The following SLC24A2 variants were observed in gnomAD, a reference collection of about 807,000 sequenced individuals.
SLC24A2 encodes sodium/potassium/calcium exchanger 2.
In SLC24A2, 36 loss-of-function variants were observed where a neutral mutation model predicts 62.0. That is an observed-to-expected ratio of 0.58 (90% CI 0.44 to 0.77). The LOEUF (loss-of-function observed/expected upper bound fraction) is 0.77. Ranked by LOEUF, SLC24A2 falls within the 30% of genes least tolerant of loss-of-function variation. The pLI, the probability that SLC24A2 is intolerant of heterozygous loss-of-function variation, is 0.00. For missense variants in SLC24A2, 846 were observed against 817.9 expected (o/e 1.03, Z -0.42); for synonymous variants, 358 against 294.0 (o/e 1.22, Z -2.23).
chr9:19,545,633 T>G (rs962874039), intron 8 of SLC24A2, among the ~76,000 whole-genome samples: 27 of 151,938 alleles, frequency 1.8e-4, no homozygotes, highest in African/African-American at 6.3e-4. Context: ...TTCCTATTTT[T>G]TAGTTTTTTT....
At chr9:20,215,916 C>G in the SLC24A2 span, among the ~76,000 whole-genome samples, 1 of 152,158 alleles carries the variant, frequency 6.6e-6, no homozygotes, top group Admixed American at 6.5e-5. Flanking sequence ...AGTTCCCAAT[C>G]CTGAGGTCTT....
the SLC24A2 span, among the ~76,000 whole-genome samples, chr9:19,908,911 G>C: frequency 6.6e-6 from 1 of 151,782 alleles, no homozygotes; most frequent in African/African-American, 2.4e-5. Flanking sequence ...AACTATTGTG[G>C]AAGTCAGTGT....
At chr9:19,828,148 A>G in the SLC24A2 span, among the ~76,000 whole-genome samples, 1 of 152,204 alleles carries the variant, frequency 6.6e-6, no homozygotes, top group Non-Finnish European at 1.5e-5. Flanking sequence ...ATTTATCCTT[A>G]ACAAAACTAA....
chr9:19,935,321 A>C, the SLC24A2 span, among the ~76,000 whole-genome samples: 9 of 152,150 alleles, frequency 5.9e-5, no homozygotes, highest in African/African-American at 2.2e-4. Flanking sequence ...ACTAAAGTTT[A>C]AGAGCCTCTG....
intron 8 of SLC24A2, among the ~76,000 whole-genome samples, chr9:19,535,192 C>G (rs1054323816): frequency 6.6e-6 from 1 of 152,050 alleles, no homozygotes; most frequent in Non-Finnish European, 1.5e-5. Context: ...CCTTTGCCCA[C>G]TTTTTGATGG....
chr9:19,594,919 G>T (rs967088329), intron 5 of SLC24A2, among the ~76,000 whole-genome samples: 1 of 152,178 alleles, frequency 6.6e-6, no homozygotes, highest in Non-Finnish European at 1.5e-5. Flanking sequence ...AGCCAGACTT[G>T]GCTTGTCATG....
At chr9:19,583,370 A>T (rs1267212577) in intron 5 of SLC24A2, among the ~76,000 whole-genome samples, 3 of 152,144 alleles carry the variant, frequency 2.0e-5, no homozygotes, top group Non-Finnish European at 4.4e-5. Context: ...TCTCTCCAGC[A>T]TTTCTTATCC....
chr9:19,572,425 A>T (rs1835864484), intron 7 of SLC24A2, among the ~76,000 whole-genome samples: 1 of 152,040 alleles, frequency 6.6e-6, no homozygotes, highest in Admixed American at 6.6e-5. Flanking sequence ...GTGGGAGGTG[A>T]TTGAATCTGG....
the SLC24A2 span, among the ~76,000 whole-genome samples, chr9:19,912,790 T>C: frequency 2.0e-5 from 3 of 152,134 alleles, no homozygotes; most frequent in African/African-American, 7.2e-5. Context: ...AATTGATAAT[T>C]TTTCCTTTTG....
At chr9:19,922,064 G>A in the SLC24A2 span, among the ~76,000 whole-genome samples, 9 of 152,092 alleles carry the variant, frequency 5.9e-5, no homozygotes, top group African/African-American at 2.2e-4. Flanking sequence ...TTGCATGTAC[G>A]TCCTTCTCCA....
chr9:19,788,557 T>G (rs539431236), intron 1 of SLC24A2: 12 of 985,328 alleles, frequency 1.2e-5, no homozygotes, highest in Middle Eastern at 5.2e-4. Context: ...TGGGTTGCAT[T>G]TGGTGAGGCG....
the SLC24A2 span, among the ~76,000 whole-genome samples, chr9:20,107,496 GAT>G: frequency 6.6e-6 from 1 of 152,196 alleles, no homozygotes; most frequent in Middle Eastern, 3.4e-3. Context: ...CCAAAACAGA[GAT>G]ATAGATCAAT....
chr9:19,581,290 G>A (rs1836202420), intron 5 of SLC24A2, among the ~76,000 whole-genome samples: 1 of 152,124 alleles, frequency 6.6e-6, no homozygotes. Context: ...TGGCTTTCTG[G>A]GCTTAAAAGT....
intron 2 of SLC24A2, among the ~76,000 whole-genome samples, chr9:19,676,810 A>G (rs1186119284): frequency 6.6e-6 from 1 of 152,240 alleles, no homozygotes; most frequent in Admixed American, 6.5e-5. Context: ...ATTATTTAAT[A>G]GTTAATTTCT....
the SLC24A2 span, among the ~76,000 whole-genome samples, chr9:19,824,903 A>G: frequency 6.6e-6 from 1 of 152,158 alleles, no homozygotes; most frequent in African/African-American, 2.4e-5. Context: ...CATCATTTTC[A>G]GCAAACTAAC....
chr9:20,247,557 T>G, the SLC24A2 span, among the ~76,000 whole-genome samples: 2 of 152,184 alleles, frequency 1.3e-5, no homozygotes, highest in African/African-American at 4.8e-5. Context: ...AGAAGTCAAT[T>G]GTCTACCAGG....
At chr9:19,684,818 C>G (rs867119905) in intron 2 of SLC24A2, among the ~76,000 whole-genome samples, 1 of 151,988 alleles carries the variant, frequency 6.6e-6, no homozygotes, top group African/African-American at 2.4e-5. Context: ...CTTACCACTC[C>G]TGTTCAACAT....
At chr9:20,211,925 AG>A in the SLC24A2 span, among the ~76,000 whole-genome samples, 1 of 152,182 alleles carries the variant, frequency 6.6e-6, no homozygotes, top group Non-Finnish European at 1.5e-5. Context: ...TGAACTTTCT[AG>A]AGCACTATAG....
At chr9:20,220,803 T>A in the SLC24A2 span, among the ~76,000 whole-genome samples, 2 of 152,142 alleles carry the variant, frequency 1.3e-5, no homozygotes, top group African/African-American at 4.8e-5. Flanking sequence ...TGAGATATAT[T>A]TCTCATCATT....
Sources: allele counts gnomAD v4.1 joint callset (sites outside exome capture counted in the v4.1 genomes callset), GRCh38; gene constraint gnomAD v4.1.1; transcripts MANE v1.5; gene names NCBI Gene and HGNC (gene_info 2026-07-23, HGNC 2026-07-21).